Variants in ABL2 observed in about 807,000 individuals in gnomAD.
ABL2 encodes the protein ABL proto-oncogene 2, non-receptor tyrosine kinase, also known as tyrosine-protein kinase ABL2.
A neutral mutation model predicts 107.7 loss-of-function variants in ABL2; 49 were observed. That is an observed-to-expected ratio of 0.45 (90% CI 0.36 to 0.58). ABL2 has a LOEUF of 0.58. ABL2 is among the 20% of genes least tolerant of loss of function. ABL2 has a pLI of 0.00. For synonymous variants in ABL2, 549 were observed against 548.6 expected (o/e 1.00, Z -0.01); for missense variants, 1,245 against 1,457.0 (o/e 0.85, Z 2.37).
At chr1:179,228,610 T>A (rs1663365025) in intron 1 of ABL2, among the ~76,000 whole-genome samples, 2 of 152,122 alleles carry the variant, frequency 1.3e-5, no homozygotes. Flanking sequence ...TGAAGCATAG[T>A]ACAGAGGCTT....
At chr1:179,158,932 T>C (rs772329653) in intron 1 of ABL2, among the ~76,000 whole-genome samples, 3 of 152,194 alleles carry the variant, frequency 2.0e-5, no homozygotes, top group Non-Finnish European at 2.9e-5. Context: ...CTCCCATTTA[T>C]TGAGTACCTA....
chr1:179,222,540 G>A (rs562704472), intron 1 of ABL2, among the ~76,000 whole-genome samples: 35 of 152,076 alleles, frequency 2.3e-4, no homozygotes, highest in South Asian at 4.2e-4. Flanking sequence ...ATAGGTGCGC[G>A]CCACCATGCC....
intron 1 of ABL2, among the ~76,000 whole-genome samples, chr1:179,210,503 CAA>C (rs113814284): frequency 4.3e-5 from 4 of 94,112 alleles, no homozygotes; most frequent in Non-Finnish European, 6.1e-5. Context: ...CTCTAACTCA[CAA>C]AAAAAAAAAA....
intron 1 of ABL2, among the ~76,000 whole-genome samples, chr1:179,195,592 A>G (rs1430971580): frequency 6.6e-6 from 1 of 152,224 alleles, no homozygotes; most frequent in Non-Finnish European, 1.5e-5. Context: ...TGTTCACTGC[A>G]GCATTAGTCA....
rs771470392 is a variant in ABL2, at chr1:179,126,472, G to A, written c.592C>T (p.Arg198Ter). 4 of 1,614,100 alleles carry A rather than the reference G, an allele frequency of 2.5e-6. No homozygotes were observed. The highest frequency in any genetic ancestry group is 3.4e-6 in the Non-Finnish European group (4 of 1,180,034). ...SSLINGSFLV[R>*]ESESSPGQLS... ...TGCCCAGGGCTACTCTCACTTTCTC[G>A]CACCAGGAAGCTGCCATTGATTAGA... The change falls in exon 4 of 12, where the codon CGA becomes TGA. Residue 198 changes from arginine to a stop codon, truncating the protein, a stop_gained. Transcript: ENST00000502732. LOFTEE classifies it high-confidence loss of function. This position sits in a 1 kb window ranked among gnomAD's most constrained non-coding sequence, Gnocchi z 4.4.
At chr1:179,211,663 G>A (rs995669387) in intron 1 of ABL2, among the ~76,000 whole-genome samples, 4 of 152,016 alleles carry the variant, frequency 2.6e-5, no homozygotes, top group African/African-American at 7.2e-5. Context: ...TTGGAAGGCC[G>A]AGGCAAGTGG....
chr1:179,220,013 T>C (rs1208638241), intron 1 of ABL2, among the ~76,000 whole-genome samples: 1 of 152,246 alleles, frequency 6.6e-6, no homozygotes, highest in Non-Finnish European at 1.5e-5. Flanking sequence ...AACAACCTGT[T>C]GTGAGGGATA....
At chr1:179,193,828 T>C (rs1297358074) in intron 1 of ABL2, among the ~76,000 whole-genome samples, 1 of 152,126 alleles carries the variant, frequency 6.6e-6, no homozygotes, top group Admixed American at 6.6e-5. Context: ...ATCTCCCAGG[T>C]TCACGCCATT....
intron 1 of ABL2, among the ~76,000 whole-genome samples, chr1:179,177,025 A>G (rs1660089842): frequency 6.6e-6 from 1 of 152,136 alleles, no homozygotes; most frequent in African/African-American, 2.4e-5. Flanking sequence ...TATCCTAAGA[A>G]AACTATAAAG....
At chr1:179,153,854 T>C (rs1354992889) in intron 1 of ABL2, among the ~76,000 whole-genome samples, 3 of 152,162 alleles carry the variant, frequency 2.0e-5, no homozygotes, top group Non-Finnish European at 4.4e-5. Context: ...GATAAGTAGA[T>C]ACCTTTGGAT....
At chr1:179,124,531 C>G (rs555451546) in intron 4 of ABL2, among the ~76,000 whole-genome samples, 2 of 124,252 alleles carry the variant, frequency 1.6e-5, no homozygotes, top group Non-Finnish European at 3.1e-5. Flanking sequence ...TGCAGTGGCA[C>G]GATCTTGGCT....
chr1:179,128,679 T>C (rs1371866161), intron 3 of ABL2, among the ~76,000 whole-genome samples: 1 of 152,122 alleles, frequency 6.6e-6, no homozygotes, highest in Non-Finnish European at 1.5e-5. Flanking sequence ...AGAGCAACCC[T>C]AGGGAGAACT....
intron 1 of ABL2, among the ~76,000 whole-genome samples, chr1:179,189,111 T>A (rs1357592899): frequency 6.6e-6 from 1 of 152,106 alleles, no homozygotes; most frequent in Non-Finnish European, 1.5e-5. Flanking sequence ...AATCTTCATG[T>A]TGTTCTCGGG....
chr1:179,222,571 A>G (rs545328411), intron 1 of ABL2, among the ~76,000 whole-genome samples: 8 of 151,938 alleles, frequency 5.3e-5, no homozygotes, highest in African/African-American at 1.9e-4. Context: ...TTGTATTTTT[A>G]GCAGAGACAG....
chr1:179,207,611 C>G (rs1279082261), intron 1 of ABL2, among the ~76,000 whole-genome samples: 2 of 152,112 alleles, frequency 1.3e-5, no homozygotes, highest in East Asian at 3.8e-4. Flanking sequence ...GTAATAATTC[C>G]TTAATTCTCA....
At chr1:179,180,048 GGCT>G (rs1373932374) in intron 1 of ABL2, among the ~76,000 whole-genome samples, 2 of 151,834 alleles carry the variant, frequency 1.3e-5, no homozygotes, top group Non-Finnish European at 2.9e-5. Flanking sequence ...GGGAGGTTGA[GGCT>G]GCAGTGAGCC....
At position 179,126,424 on chromosome 1, in the gene ABL2, C is replaced by T. The variant is rs748407717; in HGVS notation, c.640G>A (p.Glu214Lys). The T allele has an allele frequency of 6.8e-6, 11 of 1,614,196 alleles. No individual in the cohort carries two copies. Among genetic ancestry groups the T allele is most frequent in the South Asian group, 1.1e-5 (1 of 91,082 alleles). Residue 214 changes from glutamate to lysine, a missense_variant, in exon 4 of 12, where the codon GAG becomes AAG. Physicochemically the swap from Glu to Lys is moderately conservative, Grantham distance 56. Around this residue, in one of 3 missense-constraint regions of ABL2, gnomAD observed 320 missense variants for 547.0 expected, o/e 0.59. Coordinates refer to ENST00000502732, the MANE Select transcript of ABL2 (RefSeq NM_007314.4). This position sits in a 1 kb window ranked among gnomAD's most constrained non-coding sequence, Gnocchi z 4.4. Reference sequence around the variant, plus strand: ...ATCCTGTAGTGATACACACGTCCCTCGTACCTGAGCGAGATGGACAGCTGC... The same window carrying T: ...ATCCTGTAGTGATACACACGTCCCTTGTACCTGAGCGAGATGGACAGCTGC... ...PGQLSISLRY[E>K]GRVYHYRINT...
chr1:179,209,607 G>T (rs1662155456), intron 1 of ABL2, among the ~76,000 whole-genome samples: 1 of 152,134 alleles, frequency 6.6e-6, no homozygotes, highest in South Asian at 2.1e-4. Flanking sequence ...AACTACCCAA[G>T]TATCATTTAC....
At chr1:179,201,652 A>G in intron 1 of ABL2, 2 of 502,672 alleles carry the variant, frequency 4.0e-6, no homozygotes, top group South Asian at 1.9e-5. Context: ...TCCTTTCGGG[A>G]TAGCGTGTCC....
Sources: gnomAD v4.1 joint callset for allele counts (sites outside exome capture counted in the v4.1 genomes callset) on GRCh38, gnomAD v4.1.1 for gene constraint, gnomAD v4.1.1 regional missense constraint, Gnocchi (gnomAD v3.1) non-coding constraint, MANE v1.5 for transcripts, NCBI Gene and HGNC (gene_info 2026-07-23, HGNC 2026-07-21) for gene names.